The following KCNMB2 variants were observed in gnomAD, a reference collection of about 807,000 sequenced individuals.
KCNMB2 encodes the protein potassium calcium-activated channel subfamily M regulatory beta subunit 2.
A neutral mutation model predicts 24.5 loss-of-function variants in KCNMB2; 9 were observed. The ratio of observed to expected loss-of-function variants is 0.37; its 90% CI spans 0.22 to 0.64. KCNMB2 has a LOEUF of 0.64. KCNMB2 is among the 30% of genes least tolerant of loss of function. The probability of loss-of-function intolerance (pLI) is 0.63; values close to 1 mark genes in which losing one functional copy is unlikely to be tolerated. For missense variants in KCNMB2, 226 were observed against 284.3 expected, an observed-to-expected ratio of 0.79 and a Z score of 1.47; for synonymous variants, 109 against 104.4, an observed-to-expected ratio of 1.04 and a Z score of -0.27.
chr3:178,554,980 A>G (rs1716075042), intron 1 of KCNMB2, among the ~76,000 whole-genome samples: 1 of 152,238 alleles, frequency 6.6e-6, no homozygotes, highest in South Asian at 2.1e-4. Context: ...ATAAGAACAT[A>G]TGACCAAGAC....
chr3:178,613,231 C>T lies in KCNMB2; in HGVS notation c.-68+76520C>T, dbSNP rs139045875. On this transcript the variant is annotated intron_variant, in intron 1 of 4. Coordinates refer to ENST00000452583, the MANE Select transcript of KCNMB2 (RefSeq NM_181361.3). Reference sequence around the variant, plus strand: ...TGGCCAACATGGCAAAACCCCATCTCTACTAAAAATACAAAAATTAGTGGG... The same window carrying T: ...TGGCCAACATGGCAAAACCCCATCTTTACTAAAAATACAAAAATTAGTGGG... Among the ~76,000 whole-genome samples, 332 of 152,282 alleles carry T rather than the reference C, an allele frequency of 2.2e-3. 3 individuals carry two copies. The highest frequency in any genetic ancestry group is 0.015 in the Admixed American group (227 of 15,300).
At chr3:178,758,493 G>GATGT (rs1225188923) in intron 1 of KCNMB2, among the ~76,000 whole-genome samples, 17 of 14,078 alleles carry the variant, frequency 1.2e-3, no homozygotes, top group African/African-American at 4.0e-3. Flanking sequence ...AGAGGTGATT[G>GATGT]ATATATATAT....
chr3:178,664,442 G>GTT (rs1171899671), intron 1 of KCNMB2, among the ~76,000 whole-genome samples: 5 of 152,082 alleles, frequency 3.3e-5, no homozygotes, highest in Non-Finnish European at 4.4e-5. Context: ...CAAACAACCT[G>GTT]GGCATGCACT....
intron 1 of KCNMB2, among the ~76,000 whole-genome samples, chr3:178,709,564 C>A (rs902848723): frequency 1.3e-5 from 2 of 152,068 alleles, no homozygotes; most frequent in African/African-American, 4.8e-5. Context: ...CAGTACGATT[C>A]CCTAACTCAA....
chr3:178,780,801 T>A (rs1220447733), intron 1 of KCNMB2, among the ~76,000 whole-genome samples: 1 of 152,242 alleles, frequency 6.6e-6, no homozygotes, highest in East Asian at 1.9e-4. Context: ...GATAGGGTTA[T>A]CAATGTAATA....
chr3:178,551,345 A>C (rs1715947360), intron 1 of KCNMB2, among the ~76,000 whole-genome samples: 1 of 152,226 alleles, frequency 6.6e-6, no homozygotes, highest in Non-Finnish European at 1.5e-5. Context: ...CATTTAGGAC[A>C]GAAAAACTGA....
chr3:178,600,678 G>A (rs1718048159), intron 1 of KCNMB2, among the ~76,000 whole-genome samples: 1 of 152,178 alleles, frequency 6.6e-6, no homozygotes, highest in African/African-American at 2.4e-5. Context: ...TGAAGGGCAA[G>A]GGCAGACATC....
intron 1 of KCNMB2, among the ~76,000 whole-genome samples, chr3:178,721,340 G>C (rs1022642147): frequency 1.3e-5 from 2 of 152,068 alleles, no homozygotes; most frequent in Non-Finnish European, 2.9e-5. Flanking sequence ...CTGTATCTCT[G>C]TTTTGGTACC....
intron 1 of KCNMB2, among the ~76,000 whole-genome samples, chr3:178,678,080 T>C (rs1577090800): frequency 6.6e-6 from 1 of 152,316 alleles, no homozygotes; most frequent in East Asian, 1.9e-4. Context: ...TAGGAGAAGG[T>C]TGCTGAAATC....
chr3:178,659,589 C>T (rs1209795301), intron 1 of KCNMB2, among the ~76,000 whole-genome samples: 2 of 152,158 alleles, frequency 1.3e-5, no homozygotes, highest in African/African-American at 4.8e-5. Context: ...GTTCACTCAG[C>T]TAACATCAAA....
At chr3:178,837,217 G>A (rs562635850) in intron 4 of KCNMB2, among the ~76,000 whole-genome samples, 2 of 152,238 alleles carry the variant, frequency 1.3e-5, no homozygotes, top group South Asian at 2.1e-4. Flanking sequence ...CTTGATTGAC[G>A]ACTTTTAGAT....
In KCNMB2 at chr3:178,561,509, C is replaced by A. The variant is rs78184458; in HGVS notation, c.-68+24798C>A. On this transcript the variant is annotated intron_variant, in intron 1 of 4. Coordinates refer to ENST00000452583, the MANE Select transcript of KCNMB2 (RefSeq NM_181361.3). Reference sequence around the variant, plus strand: ...TCTCAGTAAAAGACTGACCTTTTCACGCCTAAATCTCCTCATGGTTAAATG... The same window carrying A: ...TCTCAGTAAAAGACTGACCTTTTCAAGCCTAAATCTCCTCATGGTTAAATG... Among the ~76,000 whole-genome samples the A allele has an allele frequency of 9.5e-4, 145 of 152,264 alleles. 1 individual carries two copies. The highest frequency in any genetic ancestry group is 3.4e-3 in the African/African-American group (140 of 41,556).
intron 1 of KCNMB2, among the ~76,000 whole-genome samples, chr3:178,714,001 C>G (rs1036882059): frequency 2.0e-5 from 3 of 152,128 alleles, no homozygotes; most frequent in Admixed American, 6.6e-5. Context: ...TTATCATTAT[C>G]TTCTTAAACT....
intron 1 of KCNMB2, among the ~76,000 whole-genome samples, chr3:178,609,764 G>A (rs1371110480): frequency 6.6e-6 from 1 of 151,894 alleles, no homozygotes; most frequent in Non-Finnish European, 1.5e-5. Context: ...ACCCCCATGA[G>A]TATCTGGGAC....
At chr3:178,643,251 G>C (rs1316282960) in intron 1 of KCNMB2, among the ~76,000 whole-genome samples, 1 of 152,174 alleles carries the variant, frequency 6.6e-6, no homozygotes, top group Non-Finnish European at 1.5e-5. Flanking sequence ...AGGGGTTAGG[G>C]ATCATAGTGG....
chr3:178,761,658 A>C (rs1711888714), intron 1 of KCNMB2, among the ~76,000 whole-genome samples: 1 of 149,554 alleles, frequency 6.7e-6, no homozygotes, highest in Non-Finnish European at 1.5e-5. Flanking sequence ...ATACCACAGT[A>C]AAAGAGTCCT....
At chr3:178,550,760 C>G (rs144411913) in intron 1 of KCNMB2, among the ~76,000 whole-genome samples, 2 of 152,146 alleles carry the variant, frequency 1.3e-5, no homozygotes, top group Non-Finnish European at 2.9e-5. Flanking sequence ...GTTAGCATCT[C>G]GGTGCCTCAG....
At chr3:178,667,569 T>C (rs56237542) in intron 1 of KCNMB2, among the ~76,000 whole-genome samples, 21,322 of 152,054 alleles carry the variant, frequency 0.14, 1,844 homozygotes, top group Admixed American at 0.22. Flanking sequence ...CATTTTGTTG[T>C]AGCAGCACAA....
chr3:178,564,682 A>T (rs1205270701), intron 1 of KCNMB2, among the ~76,000 whole-genome samples: 3 of 152,206 alleles, frequency 2.0e-5, no homozygotes, highest in African/African-American at 7.2e-5. Flanking sequence ...AGCTCAGTTT[A>T]AAAAACTTGC....
Sources: allele counts gnomAD v4.1 joint callset (sites outside exome capture counted in the v4.1 genomes callset), GRCh38; gene constraint gnomAD v4.1.1; transcripts MANE v1.5; gene names NCBI Gene and HGNC (gene_info 2026-07-23, HGNC 2026-07-21).